KIF18A: variants seen among roughly 807,000 people sequenced by gnomAD.
The protein encoded by KIF18A is kinesin family member 18A.
A neutral mutation model predicts 103.3 loss-of-function variants in KIF18A; 67 were observed. That is an observed-to-expected ratio of 0.65 (90% CI 0.53 to 0.79). The LOEUF (loss-of-function observed/expected upper bound fraction) is 0.79. KIF18A is among the 30% of genes least tolerant of loss of function. The pLI, the probability that KIF18A is intolerant of heterozygous loss-of-function variation, is 0.00. For missense variants in KIF18A, 1,032 were observed against 1,062.5 expected, an observed-to-expected ratio of 0.97 and a Z score of 0.40; for synonymous variants, 367 against 355.5, an observed-to-expected ratio of 1.03 and a Z score of -0.36.
intron 10 of KIF18A, among the ~76,000 whole-genome samples, chr11:28,075,823 G>A (rs1371676620): frequency 6.6e-6 from 1 of 152,104 alleles, no homozygotes; most frequent in Admixed American, 6.6e-5. Context: ...TCATTGGTTT[G>A]ATAATGTGCA....
At chr11:28,103,506 T>C (rs1016396754) in intron 1 of KIF18A, among the ~76,000 whole-genome samples, 5 of 152,046 alleles carry the variant, frequency 3.3e-5, no homozygotes, top group Admixed American at 3.3e-4. Context: ...TTAGATTATA[T>C]GATACGGAAA....
At chr11:28,051,656 C>T (rs1303001834) in intron 13 of KIF18A, among the ~76,000 whole-genome samples, 1 of 151,858 alleles carries the variant, frequency 6.6e-6, no homozygotes, top group African/African-American at 2.4e-5. Context: ...AAACCTCAAA[C>T]AAAAGCAAGA....
chr11:28,036,220 T>C lies in KIF18A; in HGVS notation c.2393A>G (p.Gln798Arg). The change falls in exon 14 of 17, where the codon CAA becomes CGA. Residue 798 changes from glutamine (Q) to arginine (R), a missense_variant. Physicochemically the swap from Gln to Arg is conservative, Grantham distance 43. Transcript: ENST00000263181. ...SLPNDNKDIL[Q>R]RLDPSSFSTK... is the part of the protein sequence containing the mutation. ...GGCAAATATTATTTTTTTGTACCGTTGTAAAATGTCTTTGTTATCATTTGG... is the reference window on the plus strand; with the variant it reads ...GGCAAATATTATTTTTTTGTACCGTCGTAAAATGTCTTTGTTATCATTTGG... 6.4e-7 allele frequency: 1 copy of C among 1,569,866 alleles called. No homozygotes were observed. The highest frequency in any genetic ancestry group is 8.6e-7 in the Non-Finnish European group (1 of 1,156,560).
intron 13 of KIF18A, among the ~76,000 whole-genome samples, chr11:28,044,263 C>A (rs547938559): frequency 3.3e-5 from 5 of 151,962 alleles, no homozygotes; most frequent in Non-Finnish European, 7.4e-5. Context: ...GCTGATTTTT[C>A]TCCCACTTCT....
intron 13 of KIF18A, among the ~76,000 whole-genome samples, chr11:28,058,140 A>G (rs188768459): frequency 3.3e-5 from 5 of 152,254 alleles, no homozygotes; most frequent in Admixed American, 2.0e-4. Flanking sequence ...AACTAAGATT[A>G]TATGTTAGCT....
chr11:28,097,888 C>A lies in KIF18A; in HGVS notation c.60G>T (p.Pro20=). The change falls in exon 2 of 17, where the codon CCG becomes CCT. Residue 20 remains proline, a synonymous_variant. Transcript: ENST00000263181. ...HHMKVVVRVR[P]ENTKEKAAGF... ...CAGCTGCTTTTTCTTTAGTGTTTTC[C>A]GGACGTACACGAACTACTACTTTCA... 1 of 1,608,636 alleles carries A rather than the reference C, an allele frequency of 6.2e-7. No homozygotes were observed. Among genetic ancestry groups the A allele is most frequent in the Non-Finnish European group, 8.5e-7 (1 of 1,178,216 alleles).
intron 15 of KIF18A, among the ~76,000 whole-genome samples, chr11:28,028,159 A>T (rs558080874): frequency 5.9e-5 from 9 of 152,050 alleles, no homozygotes. Flanking sequence ...TTTATGATAA[A>T]AACTCTCACC....
chr11:28,029,740 G>A (rs1381965608), intron 15 of KIF18A, among the ~76,000 whole-genome samples: 12 of 146,812 alleles, frequency 8.2e-5, no homozygotes, highest in Admixed American at 4.1e-4. Context: ...AAGTCAAATT[G>A]TCCCTGTTTG....
At chr11:28,062,603 A>G in intron 11 of KIF18A, 87 bp from the exon 12 acceptor site, 1 of 1,018,482 alleles carries the variant, frequency 9.8e-7, no homozygotes, top group Non-Finnish European at 1.3e-6. Flanking sequence ...TGTTGCCAAT[A>G]GTTTTAATTC....
Position 28,031,089 on chromosome 11 carries a change from G to A in KIF18A, c.2504+4298C>T, listed in dbSNP as rs564134963. Among the ~76,000 whole-genome samples the A allele has an allele frequency of 9.2e-5, 14 of 152,138 alleles. No homozygotes were observed. In the East Asian group the frequency reaches 2.7e-3, roughly 30 times the overall value. Reference sequence around the variant, plus strand: ...ACACTTTTACACTGTTGGTGGGACTGTAAACTAGTTCAACCATTGTGGAAG... The same window carrying A: ...ACACTTTTACACTGTTGGTGGGACTATAAACTAGTTCAACCATTGTGGAAG... On this transcript the variant is annotated intron_variant, in intron 15 of 16. Coordinates refer to ENST00000263181, the MANE Select transcript of KIF18A (RefSeq NM_031217.4).
intron 1 of KIF18A, among the ~76,000 whole-genome samples, chr11:28,107,706 C>T (rs1240876526): frequency 1.3e-5 from 2 of 152,134 alleles, no homozygotes; most frequent in African/African-American, 2.4e-5. Context: ...AAAACACTCC[C>T]AATTTGGAGT....
At chr11:28,023,155 T>C (rs996157857) in intron 16 of KIF18A, among the ~76,000 whole-genome samples, 1 of 152,160 alleles carries the variant, frequency 6.6e-6, no homozygotes, top group African/African-American at 2.4e-5. Flanking sequence ...CACCACTAGT[T>C]TAACTGAAGT....
At chr11:28,041,976 A>T (rs1025418176) in intron 13 of KIF18A, among the ~76,000 whole-genome samples, 2 of 151,244 alleles carry the variant, frequency 1.3e-5, no homozygotes, top group Non-Finnish European at 3.0e-5. Flanking sequence ...ACTCCCACTC[A>T]TCAAGCTTGG....
intron 13 of KIF18A, among the ~76,000 whole-genome samples, chr11:28,039,836 C>T (rs915834439): frequency 2.0e-5 from 3 of 151,504 alleles, no homozygotes; most frequent in Non-Finnish European, 4.4e-5. Context: ...TTTACTGGGC[C>T]TAGAAGAAGA....
At chr11:28,080,019 T>C (rs1221332267) in intron 9 of KIF18A, among the ~76,000 whole-genome samples, 1 of 152,118 alleles carries the variant, frequency 6.6e-6, no homozygotes, top group Admixed American at 6.6e-5. Context: ...TAATTACCCA[T>C]TCAGGCTCAA....
At chr11:28,068,546 A>G (rs1361142939) in intron 11 of KIF18A, among the ~76,000 whole-genome samples, 1 of 151,162 alleles carries the variant, frequency 6.6e-6, no homozygotes, top group African/African-American at 2.4e-5. Flanking sequence ...ACATATTTCT[A>G]GCCAATACAT....
intron 13 of KIF18A, among the ~76,000 whole-genome samples, chr11:28,038,052 G>C (rs2133498407): frequency 6.6e-6 from 1 of 150,672 alleles, no homozygotes; most frequent in East Asian, 2.0e-4. Flanking sequence ...TACCAATTCT[G>C]TCTTTTTTAT....
At chr11:28,107,891 G>A (rs1851555452) in intron 1 of KIF18A, among the ~76,000 whole-genome samples, 173 bp downstream of exon 1, 1 of 152,134 alleles carries the variant, frequency 6.6e-6, no homozygotes, top group Non-Finnish European at 1.5e-5. Flanking sequence ...CTCTTAGCAG[G>A]TTCTCGAATC....
At chr11:28,057,375 CATG>C (rs1850794504) in intron 13 of KIF18A, among the ~76,000 whole-genome samples, 1 of 151,988 alleles carries the variant, frequency 6.6e-6, no homozygotes, top group Non-Finnish European at 1.5e-5. Context: ...ATTAGCCAGG[CATG>C]ATGGCGGGCA....
Sources: gnomAD v4.1 joint callset for allele counts (sites outside exome capture counted in the v4.1 genomes callset) on GRCh38, gnomAD v4.1.1 for gene constraint, MANE v1.5 for transcripts, NCBI Gene and HGNC (gene_info 2026-07-23, HGNC 2026-07-21) for gene names.